DIAPH2: variants seen among roughly 807,000 people sequenced by gnomAD.
The protein encoded by DIAPH2 is diaphanous related formin 2, also known as protein diaphanous homolog 2.
DIAPH2 carries 35 observed loss-of-function variants against 92.7 expected under a neutral mutation model. The observed-to-expected ratio is 0.38, with a 90% CI of 0.29 to 0.50. The LOEUF is 0.50. Ranked by LOEUF, DIAPH2 falls within the 20% of genes least tolerant of loss-of-function variation. DIAPH2 has a pLI of 0.94. For missense variants in DIAPH2, 701 were observed against 819.5 expected (o/e 0.86, Z 1.77); for synonymous variants, 301 against 280.4 (o/e 1.07, Z -0.73).
chrX:96,888,654 ACC>A (rs1479663274), intron 5 of DIAPH2, among the ~76,000 whole-genome samples: 26 of 97,484 alleles, frequency 2.7e-4, no homozygotes, highest in African/African-American at 8.9e-4. Flanking sequence ...TATATATATT[ACC>A]ATGTATATAC....
intron 17 of DIAPH2, among the ~76,000 whole-genome samples, chrX:96,997,586 C>G (rs1333198657): frequency 2.7e-5 from 3 of 111,730 alleles, no homozygotes; most frequent in African/African-American, 9.7e-5. Context: ...ATACAAGAGT[C>G]ATGCGACTTC....
At chrX:96,831,441 G>A (rs1368490112) in intron 4 of DIAPH2, among the ~76,000 whole-genome samples, 1 of 112,085 alleles carries the variant, frequency 8.9e-6, no homozygotes, top group Admixed American at 9.5e-5. Flanking sequence ...TTTACAGTCT[G>A]TTGGCACTTG....
At chrX:97,118,493 A>G (rs2067031544) in intron 21 of DIAPH2, among the ~76,000 whole-genome samples, 1 of 111,900 alleles carries the variant, frequency 8.9e-6, no homozygotes, top group Admixed American at 9.5e-5. Context: ...AAAGGTTAGG[A>G]GCAGGTAAAG....
chrX:97,359,911 T>G (rs1394930311), intron 24 of DIAPH2, among the ~76,000 whole-genome samples: 2 of 111,747 alleles, frequency 1.8e-5, no homozygotes, highest in Non-Finnish European at 3.8e-5. Context: ...GCTACTATTT[T>G]TGCTCATATC....
At chrX:97,253,201 T>A (rs1320614597) in intron 23 of DIAPH2, among the ~76,000 whole-genome samples, 1 of 108,012 alleles carries the variant, frequency 9.3e-6, no homozygotes, top group Non-Finnish European at 1.9e-5. Flanking sequence ...GGCAGGAGAA[T>A]CACTTGAACC....
intron 23 of DIAPH2, among the ~76,000 whole-genome samples, chrX:97,253,823 C>T (rs2068211991): frequency 9.0e-6 from 1 of 111,379 alleles, no homozygotes; most frequent in Admixed American, 9.6e-5. Flanking sequence ...AAATCAAAGC[C>T]AGAAAGAAGT....
chrX:97,114,522 T>C (rs664246), intron 20 of DIAPH2, among the ~76,000 whole-genome samples: 1 of 112,165 alleles, frequency 8.9e-6, no homozygotes, highest in Non-Finnish European at 1.9e-5. Context: ...TTTATTTTTT[T>C]AAAAACCTGT....
chrX:97,465,728 G>A (rs2070506594), intron 26 of DIAPH2, among the ~76,000 whole-genome samples: 1 of 111,530 alleles, frequency 9.0e-6, no homozygotes, highest in African/African-American at 3.3e-5. Context: ...TGCTCTTGTT[G>A]CCCAGGCTGG....
intron 4 of DIAPH2, among the ~76,000 whole-genome samples, chrX:96,795,210 C>T (rs2064529613): frequency 9.0e-6 from 1 of 111,454 alleles, no homozygotes; most frequent in Non-Finnish European, 1.9e-5. Flanking sequence ...TATGACCTCC[C>T]TGTCATTTGT....
At chrX:96,982,027 T>C (rs1380784057) in intron 17 of DIAPH2, among the ~76,000 whole-genome samples, 2 of 111,842 alleles carry the variant, frequency 1.8e-5, no homozygotes, top group African/African-American at 6.5e-5. Flanking sequence ...ACTGAATGAC[T>C]CCATTTGCCC....
At chrX:96,989,610 G>A (rs2066055191) in intron 17 of DIAPH2, among the ~76,000 whole-genome samples, 1 of 111,912 alleles carries the variant, frequency 8.9e-6, no homozygotes, top group Non-Finnish European at 1.9e-5. Flanking sequence ...ATAAGATAAT[G>A]TAGCTTCTCT....
At chrX:97,293,939 C>T (rs1015164439) in intron 23 of DIAPH2, among the ~76,000 whole-genome samples, 2 of 111,652 alleles carry the variant, frequency 1.8e-5, no homozygotes, top group Non-Finnish European at 3.8e-5. Flanking sequence ...TTAATATGTT[C>T]GAAGTATCAA....
At chrX:97,310,438 C>T (rs769199019) in intron 23 of DIAPH2, among the ~76,000 whole-genome samples, 29 of 111,660 alleles carry the variant, frequency 2.6e-4, no homozygotes, top group Admixed American at 2.4e-3. Flanking sequence ...GTGGTATGTT[C>T]GTATTTTAGA....
chrX:96,824,787 C>G (rs1263097549), intron 4 of DIAPH2, among the ~76,000 whole-genome samples: 1 of 111,605 alleles, frequency 9.0e-6, no homozygotes, highest in Non-Finnish European at 1.9e-5. Flanking sequence ...TATCACAAAC[C>G]TATCCTGCAA....
At chrX:96,771,500 T>G (rs2064338584) in intron 4 of DIAPH2, among the ~76,000 whole-genome samples, 2 of 111,844 alleles carry the variant, frequency 1.8e-5, no homozygotes, top group African/African-American at 6.5e-5. Context: ...GGAAAAAATT[T>G]TGATCATCTA....
chrX:96,827,170 C>T (rs1190190652), intron 4 of DIAPH2, among the ~76,000 whole-genome samples: 1 of 112,152 alleles, frequency 8.9e-6, no homozygotes, highest in African/African-American at 3.2e-5. Flanking sequence ...TAAAACAAAA[C>T]ATTCTTAGAA....
At chrX:96,830,557 C>T (rs1444456758) in intron 4 of DIAPH2, among the ~76,000 whole-genome samples, 2 of 69,917 alleles carry the variant, frequency 2.9e-5, no homozygotes, top group African/African-American at 5.9e-5. Flanking sequence ...GGCGACAGAG[C>T]GAGACTCAGT....
At chrX:97,193,012 C>CTTTTTTT (rs373054114) in intron 22 of DIAPH2, among the ~76,000 whole-genome samples, 3 of 86,589 alleles carry the variant, frequency 3.5e-5, no homozygotes, top group Non-Finnish European at 6.5e-5. Context: ...TTTTTCTTTT[C>CTTTTTTT]TTTTTTTTTT....
At chrX:97,330,775 A>C (rs1165703539) in intron 23 of DIAPH2, among the ~76,000 whole-genome samples, 1 of 111,543 alleles carries the variant, frequency 9.0e-6, no homozygotes, top group African/African-American at 3.3e-5. Context: ...AGCCTCCCAA[A>C]GTGCTGGGAT....
Sources: gnomAD v4.1 joint callset for allele counts (sites outside exome capture counted in the v4.1 genomes callset) on GRCh38, gnomAD v4.1.1 for gene constraint, MANE v1.5 for transcripts, NCBI Gene and HGNC (gene_info 2026-07-23, HGNC 2026-07-21) for gene names.